Variants in ESRRG observed in about 807,000 individuals in gnomAD.
ESRRG encodes the protein estrogen-related receptor gamma.
In ESRRG, 13 loss-of-function variants were observed where a neutral mutation model predicts 44.0. The observed-to-expected ratio is 0.30, with a 90% CI of 0.19 to 0.47. ESRRG has a LOEUF of 0.47. Among genes scored for constraint, ESRRG ranks in the 20% least tolerant of loss-of-function variants. The pLI is 1.00. For synonymous variants in ESRRG, 215 were observed against 214.6 expected (o/e 1.00, Z -0.02); for missense variants, 395 against 580.6 (o/e 0.68, Z 3.29).
chr1:216,923,728 C>A (rs914287741), intron 2 of ESRRG, among the ~76,000 whole-genome samples: 1 of 152,192 alleles, frequency 6.6e-6, no homozygotes, highest in South Asian at 2.1e-4. Flanking sequence ...CTCCTACAAC[C>A]ACACTGCTGC....
intron 1 of ESRRG, among the ~76,000 whole-genome samples, chr1:217,133,571 G>A (rs2102545191): frequency 6.6e-6 from 1 of 152,164 alleles, no homozygotes; most frequent in Middle Eastern, 3.4e-3. Context: ...TGAACAAGGT[G>A]GAAAGAAAGA....
chr1:217,008,833 T>G (rs1057402893), intron 1 of ESRRG, among the ~76,000 whole-genome samples: 3 of 152,128 alleles, frequency 2.0e-5, no homozygotes, highest in Admixed American at 6.5e-5. Flanking sequence ...TAGACTAGCA[T>G]TCCCCAACTA....
At chr1:216,907,619 C>T (rs1408935065) in intron 2 of ESRRG, among the ~76,000 whole-genome samples, 3 of 152,156 alleles carry the variant, frequency 2.0e-5, no homozygotes, top group Non-Finnish European at 4.4e-5. Flanking sequence ...CTACCACCAC[C>T]AGTAGATAGC....
intron 1 of ESRRG, among the ~76,000 whole-genome samples, chr1:217,131,921 T>A (rs914089933): frequency 6.6e-6 from 1 of 152,130 alleles, no homozygotes; most frequent in Non-Finnish European, 1.5e-5. Flanking sequence ...AATTTGATGA[T>A]CAAATAAAAT....
At chr1:216,859,792 G>T (rs1559895487) in intron 2 of ESRRG, among the ~76,000 whole-genome samples, 2 of 152,124 alleles carry the variant, frequency 1.3e-5, no homozygotes, top group Non-Finnish European at 2.9e-5. Flanking sequence ...CCCAGAAAAA[G>T]CTAAGGATAT....
At position 216,850,362 on chromosome 1, in the gene ESRRG, ATTAG is replaced by A. The variant is rs538833102; in HGVS notation, c.-14+89216_-14+89219del. ...CTTCTCCAGAAGAAAACATCAATTCATTAGTTAAAGAACTCTTAGTATAAACATA... is the reference window on the plus strand; with the variant it reads ...CTTCTCCAGAAGAAAACATCAATTCATTAAAGAACTCTTAGTATAAACATA... On this transcript the variant is annotated intron_variant, in intron 2 of 7. Transcript: ENST00000359162. Among the ~76,000 whole-genome samples the A allele has an allele frequency of 5.7e-3, 873 of 152,212 alleles. 9 individuals are homozygous for A. The highest frequency in any genetic ancestry group is 0.02 in the African/African-American group (850 of 41,560).
chr1:216,780,165 C>T (rs574758478), intron 2 of ESRRG, among the ~76,000 whole-genome samples: 103 of 152,114 alleles, frequency 6.8e-4, no homozygotes, highest in African/African-American at 2.5e-3. Flanking sequence ...AACCTTAATA[C>T]AACTTGACAG....
chr1:216,997,543 C>T (rs2076519477), intron 1 of ESRRG, among the ~76,000 whole-genome samples: 1 of 152,210 alleles, frequency 6.6e-6, no homozygotes, highest in South Asian at 2.1e-4. Flanking sequence ...CTGGTTATGA[C>T]TGTCTTAGAC....
At chr1:216,595,745 A>T (rs2058335742) in intron 3 of ESRRG, among the ~76,000 whole-genome samples, 1 of 152,230 alleles carries the variant, frequency 6.6e-6, no homozygotes, top group Non-Finnish European at 1.5e-5. Context: ...TGCTGAATTT[A>T]TGCTTAAACT....
intron 2 of ESRRG, among the ~76,000 whole-genome samples, chr1:216,860,907 G>T (rs1482038017): frequency 1.3e-5 from 2 of 152,122 alleles, no homozygotes; most frequent in Non-Finnish European, 2.9e-5. Context: ...CGACAATGTA[G>T]TGTGGGGTTT....
rs1206749243 is a variant in ESRRG at position 216,504,829 on chromosome 1, G to C, written c.*2110C>G. On this transcript the variant is annotated 3_prime_UTR_variant, in exon 7 of 7. Coordinates refer to ENST00000408911, the MANE Select transcript of ESRRG (RefSeq NM_001438.4). Reference sequence around the variant, plus strand: ...ATTATTATGATTTTGATGTGTATCTGTTCATAATGAATACTTGTTTGGAGT... The same window carrying C: ...ATTATTATGATTTTGATGTGTATCTCTTCATAATGAATACTTGTTTGGAGT... The C allele has an allele frequency of 6.6e-6, 1 of 152,534 alleles. No homozygotes were observed. The highest frequency in any genetic ancestry group is 1.9e-4 in the East Asian group (1 of 5,188). 9.4% of individuals were successfully genotyped at this position (152,534 alleles called of 1,614,324 possible).
chr1:216,973,467 C>T (rs1202896558), intron 1 of ESRRG, among the ~76,000 whole-genome samples: 1 of 152,158 alleles, frequency 6.6e-6, no homozygotes, highest in Non-Finnish European at 1.5e-5. Context: ...TCAGTGTTGT[C>T]AGGTCGCTGC....
At chr1:216,758,338 G>A (rs546074395) in intron 2 of ESRRG, among the ~76,000 whole-genome samples, 1 of 152,036 alleles carries the variant, frequency 6.6e-6, no homozygotes, top group Non-Finnish European at 1.5e-5. Context: ...ACAAACAGCC[G>A]CTCCACCATT....
At chr1:217,079,531 A>T (rs1166400417) in intron 1 of ESRRG, among the ~76,000 whole-genome samples, 2 of 152,212 alleles carry the variant, frequency 1.3e-5, no homozygotes, top group Non-Finnish European at 2.9e-5. Context: ...GAGAGTCCAC[A>T]TAATGTAATG....
intron 1 of ESRRG, among the ~76,000 whole-genome samples, chr1:216,974,762 C>T (rs1357738794): frequency 6.6e-6 from 1 of 152,016 alleles, no homozygotes; most frequent in East Asian, 1.9e-4. Flanking sequence ...ATTACTTTCC[C>T]TGGATGAAGT....
intron 1 of ESRRG, among the ~76,000 whole-genome samples, chr1:217,067,733 G>A (rs1321239429): frequency 4.6e-5 from 7 of 152,108 alleles, no homozygotes; most frequent in African/African-American, 1.7e-4. Context: ...AATACACAGA[G>A]CTGTATTAGG....
intron 1 of ESRRG, among the ~76,000 whole-genome samples, chr1:216,686,389 C>A (rs1355630326): frequency 3.4e-5 from 5 of 145,870 alleles, no homozygotes; most frequent in Non-Finnish European, 5.9e-5. Context: ...TTAATTCAAG[C>A]CATGGAAATG....
intron 5 of ESRRG, among the ~76,000 whole-genome samples, chr1:216,522,812 G>T (rs575924629): frequency 6.6e-6 from 1 of 152,150 alleles, no homozygotes; most frequent in Non-Finnish European, 1.5e-5. Flanking sequence ...TGAGTCTAAG[G>T]AATTTTCTTA....
chr1:216,692,349 T>C (rs1171274754), intron 1 of ESRRG, among the ~76,000 whole-genome samples: 3 of 149,342 alleles, frequency 2.0e-5, no homozygotes, highest in Non-Finnish European at 4.5e-5. Context: ...TGTGTGTGTC[T>C]AGATTTTAAC....
Sources: gnomAD v4.1 joint callset for allele counts (sites outside exome capture counted in the v4.1 genomes callset) on GRCh38, gnomAD v4.1.1 for gene constraint, MANE v1.5 for transcripts, NCBI Gene and HGNC (gene_info 2026-07-23, HGNC 2026-07-21) for gene names.